The following SEMA6D variants were observed in gnomAD, a reference collection of about 807,000 sequenced individuals.
SEMA6D encodes the protein semaphorin-6D.
A neutral mutation model predicts 106.6 loss-of-function variants in SEMA6D; 35 were observed. The observed-to-expected ratio is 0.33, with a 90% CI of 0.25 to 0.44. The LOEUF is 0.44. Ranked by LOEUF, SEMA6D falls within the 20% of genes least tolerant of loss-of-function variation. The probability of loss-of-function intolerance (pLI) is 1.00; values close to 1 mark genes in which losing one functional copy is unlikely to be tolerated. For synonymous variants in SEMA6D, 499 were observed against 487.7 expected, an observed-to-expected ratio of 1.02 and a Z score of -0.31; for missense variants, 1,185 against 1,345.9, an observed-to-expected ratio of 0.88 and a Z score of 1.87.
chr15:47,688,036 A>G (rs968840187), intron 4 of SEMA6D, among the ~76,000 whole-genome samples: 7 of 152,174 alleles, frequency 4.6e-5, no homozygotes, highest in Admixed American at 1.3e-4. Context: ...TGAGGTCCAA[A>G]CTAACTTAAT....
chr15:47,270,493 A>G lies in SEMA6D; in HGVS notation c.-239+86075A>G, dbSNP rs146293681. The stretch of plus-strand genomic sequence containing the variant: ...CCTATGGCAGTGGCCTCTAGTAAAA[A>G]TGTGAATAGAATGATGACGTGACAG... On this transcript the variant is annotated intron_variant, in intron 1 of 19. Coordinates refer to the SEMA6D transcript ENST00000558014. 6.0e-3 allele frequency among the ~76,000 whole-genome samples: 909 copies of G among 152,034 alleles called. 13 individuals are homozygous for G. Among genetic ancestry groups the G allele is most frequent in the African/African-American group, 0.021 (860 of 41,506 alleles).
chr15:47,337,485 T>C (rs1251881893), intron 1 of SEMA6D, among the ~76,000 whole-genome samples: 1 of 152,050 alleles, frequency 6.6e-6, no homozygotes, highest in Non-Finnish European at 1.5e-5. Context: ...GCTTACCCAA[T>C]GGAAGATGAA....
intron 2 of SEMA6D, among the ~76,000 whole-genome samples, chr15:47,446,705 C>T (rs1253025815): frequency 6.6e-6 from 1 of 152,086 alleles, no homozygotes; most frequent in Non-Finnish European, 1.5e-5. Flanking sequence ...GTCCTGCATC[C>T]TTCCGAAAGG....
At chr15:47,560,812 C>T (rs1173837617) in intron 3 of SEMA6D, among the ~76,000 whole-genome samples, 2 of 151,908 alleles carry the variant, frequency 1.3e-5, no homozygotes, top group Non-Finnish European at 2.9e-5. Flanking sequence ...GAACTTTGGA[C>T]ACAGAAGAAC....
intron 1 of SEMA6D, among the ~76,000 whole-genome samples, chr15:47,256,022 T>C (rs2033787016): frequency 6.6e-6 from 1 of 152,028 alleles, no homozygotes. Context: ...GTAGGTCTAT[T>C]TCTGAGTTTC....
At chr15:47,431,993 TCCACCCCCAA>T (rs913021165) in intron 2 of SEMA6D, among the ~76,000 whole-genome samples, 3 of 152,084 alleles carry the variant, frequency 2.0e-5, no homozygotes, top group African/African-American at 7.2e-5. Context: ...CTTCTAAATA[TCCACCCCCAA>T]CCACCCGCAA....
chr15:47,249,005 A>T (rs62014022), intron 1 of SEMA6D, among the ~76,000 whole-genome samples: 1,777 of 152,226 alleles, frequency 0.012, 33 homozygotes, highest in Admixed American at 0.012. Context: ...AGGCGGGTGG[A>T]TCACCTGAGG....
chr15:47,219,736 G>A (rs2031010429), intron 1 of SEMA6D, among the ~76,000 whole-genome samples: 2 of 152,168 alleles, frequency 1.3e-5, no homozygotes, highest in Non-Finnish European at 2.9e-5. Flanking sequence ...ACCCTCAAAA[G>A]CGGTGTTTGA....
At chr15:47,760,548 A>ACTCTTCTCAGT in intron 3 of SEMA6D, 133 bp downstream of exon 3, 1 of 675,296 alleles carries the variant, frequency 1.5e-6, no homozygotes, top group Non-Finnish European at 2.5e-6. Flanking sequence ...ATATTCACTG[A>ACTCTTCTCAGT]GAAGAGTCAG....
intron 1 of SEMA6D, among the ~76,000 whole-genome samples, chr15:47,187,266 G>C (rs1211123278): frequency 1.3e-5 from 2 of 152,088 alleles, no homozygotes; most frequent in Non-Finnish European, 2.9e-5. Flanking sequence ...GAGAAAAAAA[G>C]AATTTTCAAA....
chr15:47,751,279 T>A (rs557489664), intron 1 of SEMA6D, among the ~76,000 whole-genome samples: 1 of 152,310 alleles, frequency 6.6e-6, no homozygotes, highest in South Asian at 2.1e-4. Flanking sequence ...TAAACCTCCC[T>A]TTTATAATTG....
chr15:47,764,139 G>T (rs201448435), intron 10 of SEMA6D, 35 bp from the exon 11 acceptor site: 7 of 1,612,472 alleles, frequency 4.3e-6, no homozygotes, highest in Non-Finnish European at 5.1e-6. Flanking sequence ...GCTTCATGTC[G>T]CCAGCCTCTT....
intron 3 of SEMA6D, among the ~76,000 whole-genome samples, chr15:47,575,850 G>C (rs1303279967): frequency 6.6e-6 from 1 of 152,126 alleles, no homozygotes; most frequent in East Asian, 1.9e-4. Context: ...AGTTGGATGA[G>C]GGCATGCAAC....
intron 1 of SEMA6D, among the ~76,000 whole-genome samples, chr15:47,398,823 A>T (rs2040304073): frequency 6.6e-6 from 1 of 152,182 alleles, no homozygotes; most frequent in Admixed American, 6.5e-5. Context: ...CAGATAAGCC[A>T]CTGTGACTGT....
At chr15:47,678,816 G>A (rs1217715656) in intron 4 of SEMA6D, among the ~76,000 whole-genome samples, 1 of 151,884 alleles carries the variant, frequency 6.6e-6, no homozygotes, top group Non-Finnish European at 1.5e-5. Flanking sequence ...TATTGTATTT[G>A]TATCATATTT....
At chr15:47,493,495 GGAA>G (rs1010166396) in intron 3 of SEMA6D, among the ~76,000 whole-genome samples, 21 of 152,142 alleles carry the variant, frequency 1.4e-4, no homozygotes, top group African/African-American at 5.1e-4. Flanking sequence ...GCTGGGCATT[GGAA>G]GAAGATTAGC....
intron 3 of SEMA6D, among the ~76,000 whole-genome samples, chr15:47,599,377 G>A (rs1242091292): frequency 2.0e-5 from 3 of 151,724 alleles, no homozygotes; most frequent in African/African-American, 7.3e-5. Context: ...TTTCCAGAAA[G>A]TAGTTTTACC....
In SEMA6D at chr15:47,571,804, C is replaced by T. The variant is rs2046390293; in HGVS notation, c.-86-29061C>T. ...GGTTAAATTATGAAAATGTGGGTCT[C>T]AAAATTTGGCTATACATGTGTGTGT... On this transcript the variant is annotated intron_variant, in intron 3 of 19. Coordinates refer to the SEMA6D transcript ENST00000558014. Among the ~76,000 whole-genome samples, 3 of 152,058 alleles carry T rather than the reference C, an allele frequency of 2.0e-5. No homozygotes were observed. In the South Asian group the frequency reaches 6.2e-4, roughly 31 times the overall value.
chr15:47,408,866 A>C (rs2040687634), intron 1 of SEMA6D, among the ~76,000 whole-genome samples: 1 of 152,230 alleles, frequency 6.6e-6, no homozygotes, highest in Admixed American at 6.5e-5. Flanking sequence ...TTCTCCCTCC[A>C]TTCCAAAGCA....
Sources: allele counts gnomAD v4.1 joint callset (sites outside exome capture counted in the v4.1 genomes callset), GRCh38; gene constraint gnomAD v4.1.1; transcripts MANE v1.5; gene names NCBI Gene and HGNC (gene_info 2026-07-23, HGNC 2026-07-21).